The following CLNK variants were observed in gnomAD, a reference collection of about 807,000 sequenced individuals.
The protein encoded by CLNK is cytokine dependent hematopoietic cell linker.
Under a neutral mutation model 68.6 loss-of-function variants are expected in CLNK, and 74 were observed. That is an observed-to-expected ratio of 1.08 (90% CI 0.89 to 1.31). CLNK has a LOEUF of 1.31. Among genes scored for constraint, CLNK ranks in the 50% most tolerant of loss-of-function variants. The pLI is 0.00. For missense variants in CLNK, 553 were observed against 515.3 expected (o/e 1.07, Z -0.71); for synonymous variants, 198 against 172.2 (o/e 1.15, Z -1.17).
At chr4:10,594,592 A>G (rs1009777968) in intron 3 of CLNK, among the ~76,000 whole-genome samples, 2 of 152,208 alleles carry the variant, frequency 1.3e-5, no homozygotes, top group Admixed American at 6.5e-5. Context: ...TAGGAGCCAC[A>G]GCTACCAGGC....
chr4:10,492,840 G>C (rs1716639634), intron 18 of CLNK, among the ~76,000 whole-genome samples: 1 of 152,130 alleles, frequency 6.6e-6, no homozygotes, highest in South Asian at 2.1e-4. Flanking sequence ...GTCCTTTCTG[G>C]TTACATTACA....
intron 2 of CLNK, among the ~76,000 whole-genome samples, chr4:10,603,653 T>C (rs972598311): frequency 6.6e-6 from 1 of 152,188 alleles, no homozygotes; most frequent in Admixed American, 6.5e-5. Context: ...GTGATGCAGT[T>C]GCAACAGAGG....
intron 2 of CLNK, among the ~76,000 whole-genome samples, chr4:10,663,650 A>G (rs183678307): frequency 3.3e-5 from 5 of 152,318 alleles, no homozygotes; most frequent in African/African-American, 4.8e-5. Flanking sequence ...GTACATATAC[A>G]ATATATATTT....
At chr4:10,556,521 G>A (rs767084366) in intron 8 of CLNK, among the ~76,000 whole-genome samples, 2 of 152,158 alleles carry the variant, frequency 1.3e-5, no homozygotes, top group African/African-American at 4.8e-5. Flanking sequence ...TTCTGCAGCC[G>A]AAGAAGTGAG....
chr4:10,508,078 G>C (rs1553844768), intron 16 of CLNK, 42 bp from the exon 17 acceptor site: 1 of 1,434,708 alleles, frequency 7.0e-7, no homozygotes, highest in South Asian at 1.2e-5. Flanking sequence ...GGGTCAATGG[G>C]AAGTATGAAT....
intron 8 of CLNK, among the ~76,000 whole-genome samples, chr4:10,549,707 T>C (rs1165848360): frequency 6.6e-6 from 1 of 152,188 alleles, no homozygotes; most frequent in African/African-American, 2.4e-5. Context: ...AAAACGGGAA[T>C]TTACCTCCCT....
the CLNK span, among the ~76,000 whole-genome samples, chr4:10,717,778 T>C: frequency 1.3e-5 from 2 of 152,210 alleles, no homozygotes; most frequent in African/African-American, 4.8e-5. Context: ...ATCCAGAGTC[T>C]CATAATATAA....
chr4:10,667,846 C>T lies in CLNK; in HGVS notation c.11+13G>A, dbSNP rs369929459. ...AAGGGAACTGGGGCTCACAGTGATC[C>T]CACGGTACTTACTGCCTGTTCATAG... On this transcript the variant is annotated intron_variant, in intron 2 of 18. Transcript: ENST00000226951. The T allele has an allele frequency of 5.0e-6, 8 of 1,584,314 alleles. No homozygotes were observed. Among genetic ancestry groups the T allele is most frequent in the Non-Finnish European group, 6.9e-6 (8 of 1,162,808 alleles).
chr4:10,644,047 C>T (rs1358140948), intron 2 of CLNK, among the ~76,000 whole-genome samples: 1 of 152,152 alleles, frequency 6.6e-6, no homozygotes, highest in African/African-American at 2.4e-5. Flanking sequence ...AGAAGGATAC[C>T]TAGTGAAGGG....
chr4:10,524,900 A>G (rs1334389816), intron 14 of CLNK, among the ~76,000 whole-genome samples: 1 of 152,146 alleles, frequency 6.6e-6, no homozygotes, highest in Non-Finnish European at 1.5e-5. Flanking sequence ...GCATCTGACG[A>G]GGCTGCAGTG....
chr4:10,688,478 C>T (rs527441895), upstream of CLNK, among the ~76,000 whole-genome samples: 1 of 152,220 alleles, frequency 6.6e-6, no homozygotes, highest in African/African-American at 2.4e-5. Context: ...AAGAGCTTTT[C>T]CTGGTTCTTG....
intron 4 of CLNK, among the ~76,000 whole-genome samples, chr4:10,573,230 CTAAGGTG>C (rs1720418960): frequency 6.6e-6 from 1 of 152,150 alleles, no homozygotes; most frequent in Non-Finnish European, 1.5e-5. Context: ...CAAATCTTTT[CTAAGGTG>C]TAATGTACAA....
intron 1 of CLNK, among the ~76,000 whole-genome samples, chr4:10,677,159 A>G (rs192743404): frequency 6.6e-6 from 1 of 152,246 alleles, no homozygotes; most frequent in East Asian, 1.9e-4. Context: ...AAGAAAATAA[A>G]CTAAGATTTA....
At chr4:10,591,068 G>A (rs1287894606) in intron 3 of CLNK, among the ~76,000 whole-genome samples, 2 of 152,196 alleles carry the variant, frequency 1.3e-5, no homozygotes, top group Admixed American at 6.5e-5. Context: ...GAGCTGTGGG[G>A]ACTATGGTTT....
At chr4:10,640,979 T>C (rs1159765561) in intron 2 of CLNK, among the ~76,000 whole-genome samples, 1 of 152,238 alleles carries the variant, frequency 6.6e-6, no homozygotes, top group Non-Finnish European at 1.5e-5. Flanking sequence ...CTCTGGAAGC[T>C]TGCCCAACCC....
chr4:10,486,524 A>G lies in CLNK; in HGVS notation c.*3943T>C, dbSNP rs1716359861. On this transcript the variant is annotated 3_prime_UTR_variant, in exon 19 of 19. Coordinates refer to ENST00000226951, the MANE Select transcript of CLNK (RefSeq NM_052964.4). Reference sequence around the variant, plus strand: ...TACAAATATAATGCTAATATACAATATAGGCTATCATAAAAATTTGTATTT... The same window carrying G: ...TACAAATATAATGCTAATATACAATGTAGGCTATCATAAAAATTTGTATTT... The G allele has an allele frequency of 7.3e-6, 1 of 136,652 alleles. No homozygotes were observed. Among genetic ancestry groups the G allele is most frequent in the African/African-American group, 3.6e-5 (1 of 27,468 alleles). 8.5% of individuals were successfully genotyped at this position (136,652 alleles called of 1,614,324 possible). A position where few individuals can be genotyped will look rare whatever the true frequency, so the allele number is the denominator to read the frequency against.
At chr4:10,537,518 G>A (rs1718806899) in intron 11 of CLNK, among the ~76,000 whole-genome samples, 1 of 151,958 alleles carries the variant, frequency 6.6e-6, no homozygotes, top group Admixed American at 6.6e-5. Flanking sequence ...AAAATACAGA[G>A]TTATGGATTC....
At chr4:10,654,980 A>G (rs1273811405) in intron 2 of CLNK, among the ~76,000 whole-genome samples, 1 of 151,584 alleles carries the variant, frequency 6.6e-6, no homozygotes, top group African/African-American at 2.4e-5. Context: ...CAGCGCCTGT[A>G]GTCCCACCTA....
intron 4 of CLNK, among the ~76,000 whole-genome samples, chr4:10,577,247 G>A (rs766093445): frequency 1.2e-4 from 18 of 152,198 alleles, no homozygotes; most frequent in Non-Finnish European, 2.4e-4. Flanking sequence ...AAGACTCAGG[G>A]GAGTGGAGAA....
Sources: allele counts gnomAD v4.1 joint callset (sites outside exome capture counted in the v4.1 genomes callset), GRCh38; gene constraint gnomAD v4.1.1; transcripts MANE v1.5; gene names NCBI Gene and HGNC (gene_info 2026-07-23, HGNC 2026-07-21).